BICD1: variants seen among roughly 807,000 people sequenced by gnomAD.
BICD1 encodes BICD cargo adaptor 1.
Under a neutral mutation model 92.5 loss-of-function variants are expected in BICD1, and 35 were observed. That is an observed-to-expected ratio of 0.38 (90% confidence interval 0.29 to 0.50). BICD1 has a LOEUF of 0.50. Among genes scored for constraint, BICD1 ranks in the 20% least tolerant of loss-of-function variants. The pLI is 0.93. For missense variants in BICD1, 950 were observed against 1,189.8 expected, an observed-to-expected ratio of 0.80 and a Z score of 2.97; for synonymous variants, 429 against 465.1, an observed-to-expected ratio of 0.92 and a Z score of 1.00.
rs71457631 is a variant in BICD1, at chr12:32,206,021, T to C, written c.214-10226T>C. On this transcript the variant is annotated intron_variant, in intron 1 of 9. Transcript: ENST00000652176. ...AATGTTTTGCAATTCAGCCATGTTG[T>C]TGGATATGTCAGTAGTTTACTCCTT... Among the ~76,000 whole-genome samples the C allele has an allele frequency of 7.4e-3, 1,126 of 152,332 alleles. 6 individuals are homozygous for C. The highest frequency in any genetic ancestry group is 0.018 in the South Asian group (89 of 4,828).
intron 2 of BICD1, among the ~76,000 whole-genome samples, chr12:32,230,630 A>G (rs1405751000): frequency 6.6e-6 from 1 of 152,292 alleles, no homozygotes; most frequent in Non-Finnish European, 1.5e-5. Flanking sequence ...ATCTGATGAC[A>G]TGAGGTTTAA....
intron 3 of BICD1, among the ~76,000 whole-genome samples, chr12:32,298,058 C>T (rs1456458511): frequency 6.6e-6 from 1 of 151,850 alleles, no homozygotes; most frequent in Non-Finnish European, 1.5e-5. Context: ...TGATGCACAC[C>T]TGTGGTTCCA....
intron 8 of BICD1, among the ~76,000 whole-genome samples, chr12:32,360,639 T>TTAA (rs1939290120): frequency 6.6e-6 from 1 of 152,192 alleles, no homozygotes; most frequent in Non-Finnish European, 1.5e-5. Context: ...GCATTTTTTT[T>TTAA]TAATATTCTT....
At chr12:32,162,829 C>G (rs1943638826) in intron 1 of BICD1, among the ~76,000 whole-genome samples, 1 of 151,698 alleles carries the variant, frequency 6.6e-6, no homozygotes, top group Non-Finnish European at 1.5e-5. Context: ...TAAAAACAAA[C>G]AAAAAAATTA....
At chr12:32,177,392 A>G (rs1275047291) in intron 1 of BICD1, among the ~76,000 whole-genome samples, 2 of 150,426 alleles carry the variant, frequency 1.3e-5, no homozygotes, top group Non-Finnish European at 3.0e-5. Flanking sequence ...GCTGATAGGT[A>G]TAATTTTGAG....
intron 1 of BICD1, among the ~76,000 whole-genome samples, chr12:32,195,196 A>G (rs1430552891): frequency 6.6e-6 from 1 of 152,214 alleles, no homozygotes; most frequent in Non-Finnish European, 1.5e-5. Flanking sequence ...ACTGAAAGCA[A>G]CATACAGATT....
chr12:32,198,245 G>A (rs1334772297), intron 1 of BICD1, among the ~76,000 whole-genome samples: 1 of 148,446 alleles, frequency 6.7e-6, no homozygotes, highest in Non-Finnish European at 1.5e-5. Context: ...TTGGGGGAGA[G>A]CACCAAATAC....
At chr12:32,299,060 T>A (rs1490460868) in intron 3 of BICD1, among the ~76,000 whole-genome samples, 5 of 152,146 alleles carry the variant, frequency 3.3e-5, no homozygotes, top group African/African-American at 1.2e-4. Flanking sequence ...TCCTAGCAAT[T>A]TGTGTAAATG....
At chr12:32,183,842 T>C (rs1490889477) in intron 1 of BICD1, among the ~76,000 whole-genome samples, 2 of 152,192 alleles carry the variant, frequency 1.3e-5, no homozygotes, top group African/African-American at 2.4e-5. Context: ...ACAGGCCATA[T>C]AGGGGATTGA....
At chr12:32,331,205 G>A (rs2136270330) in intron 5 of BICD1, among the ~76,000 whole-genome samples, 1 of 152,096 alleles carries the variant, frequency 6.6e-6, no homozygotes, top group Admixed American at 6.5e-5. Context: ...AACCAACAGA[G>A]ACTAATTTGT....
chr12:32,286,148 G>A (rs935831022), intron 2 of BICD1, among the ~76,000 whole-genome samples: 1 of 152,144 alleles, frequency 6.6e-6, no homozygotes, highest in Non-Finnish European at 1.5e-5. Context: ...TAGCTTTGCT[G>A]TGGTCTTAAA....
At chr12:32,250,339 G>A (rs1261282867) in intron 2 of BICD1, among the ~76,000 whole-genome samples, 3 of 152,118 alleles carry the variant, frequency 2.0e-5, no homozygotes, top group South Asian at 2.1e-4. Flanking sequence ...TTATTGTGAG[G>A]ATAAAATGCG....
intron 2 of BICD1, among the ~76,000 whole-genome samples, chr12:32,270,181 A>C (rs1385898668): frequency 6.6e-6 from 1 of 151,536 alleles, no homozygotes; most frequent in Non-Finnish European, 1.5e-5. Flanking sequence ...AATGAGAGAG[A>C]CTAAAATAAT....
At chr12:32,285,014 G>A (rs1009086760) in intron 2 of BICD1, among the ~76,000 whole-genome samples, 9 of 152,170 alleles carry the variant, frequency 5.9e-5, no homozygotes, top group African/African-American at 2.2e-4. Context: ...CAGGCTTGCT[G>A]GGGCTGTAAG....
intron 2 of BICD1, among the ~76,000 whole-genome samples, chr12:32,241,915 C>T (rs571937279): frequency 9.2e-5 from 14 of 151,984 alleles, no homozygotes; most frequent in African/African-American, 2.9e-4. Context: ...ATGCACAAGA[C>T]GGGACATGGT....
chr12:32,287,452 T>C (rs1395226411), intron 2 of BICD1, among the ~76,000 whole-genome samples: 1 of 152,138 alleles, frequency 6.6e-6, no homozygotes, highest in Non-Finnish European at 1.5e-5. Context: ...GGGTAATGAA[T>C]GACCCACAAT....
rs573620077 is a variant in BICD1, at chr12:32,158,250, C to T, written c.213+50706C>T. Among the ~76,000 whole-genome samples the T allele has an allele frequency of 7.9e-5, 12 of 151,936 alleles. No individual in the cohort carries two copies. In the South Asian group the frequency reaches 1.2e-3, roughly 16 times the overall value. The stretch of plus-strand genomic sequence containing the variant: ...CCTCCTGAGTAGCTGGGATTACAGG[C>T]GCCCACCCCCATGCCCGGCTGATTT... On this transcript the variant is annotated intron_variant, in intron 1 of 9. Coordinates refer to ENST00000652176, the MANE Select transcript of BICD1 (RefSeq NM_001714.4).
In BICD1 at chr12:32,225,621, G is replaced by GTTTTTGTTTTTTTT. The variant is rs1411722126; in HGVS notation, c.426+9167_426+9168insGTTTTTTTTTTTTT. Among the ~76,000 whole-genome samples the GTTTTTGTTTTTTTT allele has an allele frequency of 4.5e-3, 415 of 92,756 alleles. 25 individuals carry two copies. The highest frequency in any genetic ancestry group is 0.023 in the East Asian group (49 of 2,162). The allele number at this position is 92,756 out of a possible 152,430, so 60.9% of individuals were successfully genotyped here. A position where few individuals can be genotyped will look rare whatever the true frequency, so the allele number is the denominator to read the frequency against. ...TGGTATTTGACAGTTCTTTTTTTCTGTTTTTTTTTTTTTTTTTTTTAGACG... is the reference window on the plus strand; with the variant it reads ...TGGTATTTGACAGTTCTTTTTTTCTGTTTTTGTTTTTTTTTTTTTTTTTTTTTTTTTTTTAGACG... On this transcript the variant is annotated intron_variant, in intron 2 of 9. Transcript: ENST00000652176.
chr12:32,361,552 C>CAAAAA (rs369280649), intron 8 of BICD1, among the ~76,000 whole-genome samples: 2 of 75,430 alleles, frequency 2.7e-5, no homozygotes, highest in African/African-American at 8.6e-5. Context: ...GACTCCATCT[C>CAAAAA]AAAAAAAAAA....
Sources: allele counts gnomAD v4.1 joint callset (sites outside exome capture counted in the v4.1 genomes callset), GRCh38; gene constraint gnomAD v4.1.1; transcripts MANE v1.5; gene names NCBI Gene and HGNC (gene_info 2026-07-23, HGNC 2026-07-21).